Variants in CACNA2D3 observed in about 807,000 individuals in gnomAD.
CACNA2D3 encodes voltage-dependent calcium channel subunit alpha-2/delta-3.
CACNA2D3 carries 60 observed loss-of-function variants against 160.6 expected under a neutral mutation model. The observed-to-expected ratio is 0.37, with a 90% CI of 0.30 to 0.46. The LOEUF is 0.46. Among genes scored for constraint, CACNA2D3 ranks in the 20% least tolerant of loss-of-function variants. CACNA2D3 has a pLI of 1.00. For missense variants in CACNA2D3, 1,205 were observed against 1,365.0 expected (o/e 0.88, Z 1.85); for synonymous variants, 558 against 492.9 (o/e 1.13, Z -1.75).
At chr3:54,889,719 C>T (rs540474448) in intron 24 of CACNA2D3, among the ~76,000 whole-genome samples, 2 of 152,078 alleles carry the variant, frequency 1.3e-5, no homozygotes, top group Admixed American at 1.3e-4. Context: ...CTGCCATTTT[C>T]ATTATTAGGG....
At chr3:54,708,462 G>T (rs1700894575) in intron 11 of CACNA2D3, among the ~76,000 whole-genome samples, 1 of 152,170 alleles carries the variant, frequency 6.6e-6, no homozygotes, top group Admixed American at 6.6e-5. Context: ...TCTTCGAAAG[G>T]ATGGAGTTGA....
intron 3 of CACNA2D3, chr3:54,367,630 T>A: frequency 3.0e-6 from 1 of 329,576 alleles, no homozygotes; most frequent in Non-Finnish European, 6.1e-6. Flanking sequence ...GAACGACCCC[T>A]GGCCACAAGC....
At chr3:54,782,984 G>A (rs1386537653) in intron 13 of CACNA2D3, among the ~76,000 whole-genome samples, 2 of 152,226 alleles carry the variant, frequency 1.3e-5, no homozygotes, top group Non-Finnish European at 2.9e-5. Context: ...TGTCAGATAG[G>A]CCCTATTATC....
intron 5 of CACNA2D3, among the ~76,000 whole-genome samples, chr3:54,551,110 G>C (rs1702149430): frequency 6.6e-6 from 1 of 152,148 alleles, no homozygotes; most frequent in Non-Finnish European, 1.5e-5. Context: ...AGCCCTACTT[G>C]GTTCCCCCTG....
At chr3:54,156,655 T>G (rs922019676) in intron 2 of CACNA2D3, among the ~76,000 whole-genome samples, 3 of 152,236 alleles carry the variant, frequency 2.0e-5, no homozygotes, top group African/African-American at 2.4e-5. Context: ...AGTCTTTGTC[T>G]TTGCCTTGGT....
In CACNA2D3 at chr3:54,937,769, C is replaced by T. The variant is rs527859016; in HGVS notation, c.2450-30681C>T. ...CCAGGTAAAGGCATGGCATGTGTTACGCTGAGAGGCCAGTGAGATGGCACA... is the reference window on the plus strand; with the variant it reads ...CCAGGTAAAGGCATGGCATGTGTTATGCTGAGAGGCCAGTGAGATGGCACA... On this transcript the variant is annotated intron_variant, in intron 27 of 37. Coordinates refer to ENST00000474759, the MANE Select transcript of CACNA2D3 (RefSeq NM_018398.3). Among the ~76,000 whole-genome samples, 19 of 152,024 alleles carry T rather than the reference C, an allele frequency of 1.2e-4. 1 individual carries two copies. The East Asian group carries it at 1.9e-3, about 16-fold the overall frequency.
chr3:54,777,703 T>TA (rs1702449828), intron 13 of CACNA2D3, among the ~76,000 whole-genome samples: 1 of 152,152 alleles, frequency 6.6e-6, no homozygotes, highest in South Asian at 2.1e-4. Flanking sequence ...CTCTGTCACT[T>TA]AGCCAGCTGT....
At chr3:54,429,433 A>G (rs1227143960) in intron 4 of CACNA2D3, among the ~76,000 whole-genome samples, 1 of 151,794 alleles carries the variant, frequency 6.6e-6, no homozygotes, top group African/African-American at 2.4e-5. Context: ...CAAATGGCAA[A>G]CCACCTGATT....
intron 4 of CACNA2D3, among the ~76,000 whole-genome samples, chr3:54,501,181 C>T (rs1173465932): frequency 6.6e-6 from 1 of 152,178 alleles, no homozygotes; most frequent in Non-Finnish European, 1.5e-5. Context: ...CCACTTATTA[C>T]TGTCACATTG....
intron 13 of CACNA2D3, among the ~76,000 whole-genome samples, chr3:54,803,191 C>T (rs529336621): frequency 6.6e-5 from 10 of 152,322 alleles, no homozygotes; most frequent in East Asian, 3.9e-4. Flanking sequence ...TCACCAGCAA[C>T]GGAACAAAGC....
At chr3:54,430,285 A>G (rs1464608747) in intron 4 of CACNA2D3, among the ~76,000 whole-genome samples, 1 of 152,122 alleles carries the variant, frequency 6.6e-6, no homozygotes, top group Non-Finnish European at 1.5e-5. Context: ...TTGTGTTGCT[A>G]TTTTTTACTT....
intron 4 of CACNA2D3, among the ~76,000 whole-genome samples, chr3:54,402,363 T>G (rs747089088): frequency 6.6e-6 from 1 of 151,122 alleles, no homozygotes. Context: ...AAAAACAAGG[T>G]CCAACTATAT....
intron 2 of CACNA2D3, among the ~76,000 whole-genome samples, chr3:54,152,549 G>A (rs147325275): frequency 7.2e-5 from 11 of 152,100 alleles, no homozygotes; most frequent in African/African-American, 2.4e-4. Context: ...TGTCCACCTC[G>A]TGGCCCAGGG....
At chr3:54,892,074 G>T (rs2106869812) in intron 25 of CACNA2D3, among the ~76,000 whole-genome samples, 1 of 152,260 alleles carries the variant, frequency 6.6e-6, no homozygotes, top group South Asian at 2.1e-4. Flanking sequence ...AGAACCACGG[G>T]CCCTTAACTC....
At chr3:54,221,099 C>T (rs933870884) in intron 2 of CACNA2D3, among the ~76,000 whole-genome samples, 4 of 152,156 alleles carry the variant, frequency 2.6e-5, no homozygotes, top group South Asian at 4.1e-4. Flanking sequence ...AGTGCATTTC[C>T]GCATTTCATT....
chr3:54,821,256 C>G (rs577952123), intron 14 of CACNA2D3, among the ~76,000 whole-genome samples: 12 of 152,322 alleles, frequency 7.9e-5, no homozygotes, highest in African/African-American at 2.9e-4. Flanking sequence ...CATCTCTAAT[C>G]CTGTTTGGAA....
chr3:54,982,578 C>A (rs1055907105), intron 29 of CACNA2D3, among the ~76,000 whole-genome samples: 1 of 152,006 alleles, frequency 6.6e-6, no homozygotes, highest in Non-Finnish European at 1.5e-5. Flanking sequence ...GGAGAGGGTT[C>A]TTGGATCTCA....
intron 35 of CACNA2D3, among the ~76,000 whole-genome samples, chr3:55,070,357 T>G (rs545270386): frequency 6.6e-6 from 1 of 152,130 alleles, no homozygotes; most frequent in Non-Finnish European, 1.5e-5. Context: ...TTATAGATAA[T>G]TATTTTTAGG....
chr3:54,246,850 G>T (rs977725686), intron 2 of CACNA2D3, among the ~76,000 whole-genome samples: 31 of 152,180 alleles, frequency 2.0e-4, no homozygotes, highest in African/African-American at 6.8e-4. Flanking sequence ...CTATGAACCA[G>T]CTTTGTTCCT....
Sources: gnomAD v4.1 joint callset for allele counts (sites outside exome capture counted in the v4.1 genomes callset) on GRCh38, gnomAD v4.1.1 for gene constraint, MANE v1.5 for transcripts, NCBI Gene and HGNC (gene_info 2026-07-23, HGNC 2026-07-21) for gene names.